ZBTB24: variants seen among roughly 807,000 people sequenced by gnomAD.
ZBTB24 encodes zinc finger and BTB domain-containing protein 24.
A neutral mutation model predicts 53.8 loss-of-function variants in ZBTB24; 32 were observed. The ratio of observed to expected loss-of-function variants is 0.60; its 90% confidence interval spans 0.45 to 0.80. The LOEUF is 0.80. Among genes scored for constraint, ZBTB24 ranks in the 30% least tolerant of loss-of-function variants. ZBTB24 has a pLI of 0.00. For synonymous variants in ZBTB24, 297 were observed against 306.7 expected (o/e 0.97, Z 0.33); for missense variants, 722 against 837.1 (o/e 0.86, Z 1.70).
At chr6:109,476,003 G>A (rs1484792763) in intron 4 of ZBTB24, among the ~76,000 whole-genome samples, 172 bp downstream of exon 4, 3 of 152,196 alleles carry the variant, frequency 2.0e-5, no homozygotes, top group African/African-American at 7.2e-5. Flanking sequence ...AATTCACATG[G>A]TGGCGGACAA....
rs764285751 is a variant in ZBTB24, at chr6:109,481,958, C to T, written c.69G>A (p.Val23=). Residue 23 remains valine, a synonymous_variant, in exon 2 of 7, where the codon GTG becomes GTA. Coordinates refer to ENST00000230122, the MANE Select transcript of ZBTB24 (RefSeq NM_014797.3). ...VVHSDAHSDT[V]LASFEDQRKK... ...TCCTCTGATCCTCAAAACTGGCCAG[C>T]ACAGTGTCACTGTGAGCGTCTGAGT... The T allele has an allele frequency of 3.6e-5, 58 of 1,614,094 alleles. No homozygotes were observed. The highest frequency in any genetic ancestry group is 4.4e-5 in the Non-Finnish European group (52 of 1,180,046).
intron 2 of ZBTB24, among the ~76,000 whole-genome samples, chr6:109,477,500 T>G (rs913765871): frequency 1.7e-4 from 26 of 152,108 alleles, no homozygotes; most frequent in Non-Finnish European, 3.5e-4. Context: ...CAGGAATTGG[T>G]GGCACCTGCT....
At chr6:109,479,143 GAA>G (rs1446699529) in intron 2 of ZBTB24, among the ~76,000 whole-genome samples, 1 of 152,168 alleles carries the variant, frequency 6.6e-6, no homozygotes, top group Non-Finnish European at 1.5e-5. Flanking sequence ...TTCCAGAACT[GAA>G]AGACAGTTTC....
chr6:109,466,887 T>C (rs1436061097), intron 6 of ZBTB24, among the ~76,000 whole-genome samples: 1 of 152,194 alleles, frequency 6.6e-6, no homozygotes, highest in Non-Finnish European at 1.5e-5. Flanking sequence ...AATAAACATA[T>C]AGTTCTCTTT....
At chr6:109,467,483 G>A (rs1776072128) in intron 6 of ZBTB24, 170 bp downstream of exon 6, 1 of 977,206 alleles carries the variant, frequency 1.0e-6, no homozygotes. Context: ...GGGCGACAGT[G>A]AGACCCTGTC....
chr6:109,472,888 C>T (rs1338897112), intron 5 of ZBTB24, among the ~76,000 whole-genome samples: 1 of 152,198 alleles, frequency 6.6e-6, no homozygotes, highest in Admixed American at 6.5e-5. Context: ...GGACTATCTC[C>T]AGAACTGGAC....
rs377688410 is a variant in ZBTB24, at chr6:109,476,837, G to A, written c.1046C>T (p.Pro349Leu). Residue 349 changes from proline (P) to leucine (L), a missense_variant, in exon 3 of 7, where the codon CCG becomes CTG. Coordinates refer to ENST00000230122, the MANE Select transcript of ZBTB24 (RefSeq NM_014797.3). ...VHTRMHTGERPYTCTVCSKAL... is the reference protein window; with the variant it reads ...VHTRMHTGERLYTCTVCSKAL... ...CTTGCTGCACACGGTGCAGGTGTAC[G>A]GCCGCTCGCCTGTGTGCATCCTGGT... 28 of 1,614,160 alleles carry A rather than the reference G, an allele frequency of 1.7e-5. No individual in the cohort carries two copies. Among genetic ancestry groups the A allele is most frequent in the South Asian group, 4.4e-5 (4 of 91,064 alleles).
chr6:109,480,349 T>C (rs1776375502), intron 2 of ZBTB24, among the ~76,000 whole-genome samples: 1 of 152,172 alleles, frequency 6.6e-6, no homozygotes, highest in Admixed American at 6.5e-5. Flanking sequence ...CAGTGTCCAA[T>C]ACGGTAGCCA....
chr6:109,463,774 A>G lies in ZBTB24; in HGVS notation c.*2077T>C, dbSNP rs556427366. 6.6e-6 allele frequency: 1 copy of G among 152,198 alleles called. No homozygotes were observed. 9.4% of individuals were successfully genotyped at this position (152,198 alleles called of 1,614,324 possible). On this transcript the variant is annotated 3_prime_UTR_variant, in exon 7 of 7. Coordinates refer to ENST00000230122, the MANE Select transcript of ZBTB24 (RefSeq NM_014797.3). The stretch of plus-strand genomic sequence containing the variant: ...TAAAATGTCTCACTAATATATTTTT[A>G]TATGTTGAAATATTTGGCAAATGTT...
At position 109,464,193 on chromosome 6, in the gene ZBTB24, A is replaced by C. The variant is rs1054810843; in HGVS notation, c.*1658T>G. Reference sequence around the variant, plus strand: ...CTTTGCTCTAGTCAGGCCTGATTTAACATTAGTTTGGTTGATACATATAAG... The same window carrying C: ...CTTTGCTCTAGTCAGGCCTGATTTACCATTAGTTTGGTTGATACATATAAG... On this transcript the variant is annotated 3_prime_UTR_variant, in exon 7 of 7. Coordinates refer to ENST00000230122, the MANE Select transcript of ZBTB24 (RefSeq NM_014797.3). The C allele has an allele frequency of 1.3e-5, 2 of 152,210 alleles. No individual in the cohort carries two copies. Among genetic ancestry groups the C allele is most frequent in the African/African-American group, 4.8e-5 (2 of 41,456 alleles). 9.4% of individuals were successfully genotyped at this position (152,210 alleles called of 1,614,324 possible).
At position 109,462,875 on chromosome 6, in the gene ZBTB24, TG is replaced by T. The variant is rs759176331; in HGVS notation, c.*2975del. ...ATTTCTGTTAAAACAATTTAAAAAA[TG>T]GTACACATTTAGTAGAAAATGAATT... On this transcript the variant is annotated 3_prime_UTR_variant, in exon 7 of 7. Coordinates refer to ENST00000230122, the MANE Select transcript of ZBTB24 (RefSeq NM_014797.3). 6.6e-6 allele frequency: 1 copy of T among 152,232 alleles called. No homozygotes were observed. The allele number at this position is 152,232 out of a possible 1,614,324, so 9.4% of individuals were successfully genotyped here.
intron 5 of ZBTB24, among the ~76,000 whole-genome samples, chr6:109,468,274 A>G (rs193152944): frequency 2.3e-4 from 35 of 152,106 alleles, no homozygotes; most frequent in Admixed American, 2.2e-3. Flanking sequence ...TCCCTGCCAT[A>G]AACTATCAAT....
intron 2 of ZBTB24, among the ~76,000 whole-genome samples, chr6:109,479,732 T>C (rs1776357727): frequency 6.6e-6 from 1 of 151,966 alleles, no homozygotes; most frequent in Non-Finnish European, 1.5e-5. Flanking sequence ...CTGACCAACA[T>C]GGTGAAACCC....
Position 109,466,256 on chromosome 6 carries a change from G to C in ZBTB24, c.1689C>G (p.Ile563Met), listed in dbSNP as rs1344228806. The part of the protein sequence containing the change: ...QLLVTDSVHN[I>M]NFMPGPSQGI... Reference sequence around the variant, plus strand: ...CCTGGCTAGGACCGGGCATGAAATTGATGTTATGTACAGAATCGGTTACGA... The same window carrying C: ...CCTGGCTAGGACCGGGCATGAAATTCATGTTATGTACAGAATCGGTTACGA... The change falls in exon 7 of 7, where the codon ATC becomes ATG. Residue 563 changes from isoleucine to methionine, a missense_variant. Coordinates refer to ENST00000230122, the MANE Select transcript of ZBTB24 (RefSeq NM_014797.3). 5.0e-6 allele frequency: 8 copies of C among 1,614,226 alleles called. No homozygotes were observed. The highest frequency in any genetic ancestry group is 5.9e-6 in the Non-Finnish European group (7 of 1,180,050).
intron 3 of ZBTB24, 102 bp from the exon 4 acceptor site, chr6:109,476,360 T>C: frequency 1.8e-6 from 2 of 1,130,392 alleles, no homozygotes; most frequent in Non-Finnish European, 2.6e-6. Context: ...CCCCATTTTC[T>C]ACAAATGATA....
At chr6:109,468,214 C>G (rs974381407) in intron 5 of ZBTB24, among the ~76,000 whole-genome samples, 1 of 152,074 alleles carries the variant, frequency 6.6e-6, no homozygotes, top group Non-Finnish European at 1.5e-5. Context: ...CTCTTGTCCA[C>G]ACCACCACCA....
rs556042456 is a variant in ZBTB24 at position 109,475,384 on chromosome 6, G to A, written c.1288+15C>T. 6.8e-6 allele frequency: 11 copies of A among 1,614,074 alleles called. No homozygotes were observed. The highest frequency in any genetic ancestry group is 4.0e-5 in the African/African-American group (3 of 75,026). On this transcript the variant is annotated intron_variant, in intron 5 of 6. Coordinates refer to ENST00000230122, the MANE Select transcript of ZBTB24 (RefSeq NM_014797.3). ...CATCCCGTGTACTGGGGGGACAGAC[G>A]AGATGGAGTTTTACCTGTGTGTGTT...
rs753694683 is a variant in ZBTB24, at chr6:109,481,568, C to G, written c.459G>C (p.Lys153Asn). The change falls in exon 2 of 7, where the codon AAG becomes AAC. Residue 153 changes from lysine (K) to asparagine (N), a missense_variant. By Grantham distance (94) the Lys-to-Asn change is moderately conservative. Transcript: ENST00000230122. ...GTTTCCGCTTTGGAGGATCGTTTTT[C>G]TTATTAGAGATAACAACCACTGGGG... ...AGAPVVVISN[K>N]KNDPPKRKRG... is the part of the protein sequence containing the mutation. 2.5e-6 allele frequency: 4 copies of G among 1,614,136 alleles called. No individual in the cohort carries two copies. The highest frequency in any genetic ancestry group is 2.5e-6 in the Non-Finnish European group (3 of 1,180,024).
chr6:109,470,192 C>T (rs563328754), intron 5 of ZBTB24, among the ~76,000 whole-genome samples: 4 of 152,208 alleles, frequency 2.6e-5, no homozygotes, highest in African/African-American at 7.2e-5. Context: ...TAGACAATAG[C>T]GATTAAAGGA....
Sources: gnomAD v4.1 joint callset for allele counts (sites outside exome capture counted in the v4.1 genomes callset) on GRCh38, gnomAD v4.1.1 for gene constraint, MANE v1.5 for transcripts, NCBI Gene and HGNC (gene_info 2026-07-23, HGNC 2026-07-21) for gene names.